SPATS2L: variants seen among roughly 807,000 people sequenced by gnomAD.
SPATS2L encodes spermatogenesis associated serine rich 2 like.
SPATS2L carries 30 observed loss-of-function variants against 59.6 expected under a neutral mutation model. The observed-to-expected ratio is 0.50, with a 90% confidence interval of 0.38 to 0.68. The LOEUF (loss-of-function observed/expected upper bound fraction) is 0.68, where lower values mean the gene tolerates loss of function less well. Among genes scored for constraint, SPATS2L ranks in the 30% least tolerant of loss-of-function variants. The pLI is 0.00. For synonymous variants in SPATS2L, 252 were observed against 263.5 expected (o/e 0.96, Z 0.42); for missense variants, 615 against 700.0 (o/e 0.88, Z 1.37).
intron 8 of SPATS2L, among the ~76,000 whole-genome samples, chr2:200,446,403 A>G (rs1203611921): frequency 6.6e-6 from 1 of 152,132 alleles, no homozygotes; most frequent in Non-Finnish European, 1.5e-5. Flanking sequence ...GAGTCTTGCA[A>G]AGGGAGTGAT....
At chr2:200,364,353 T>G (rs2081200572) in intron 2 of SPATS2L, among the ~76,000 whole-genome samples, 1 of 152,174 alleles carries the variant, frequency 6.6e-6, no homozygotes, top group Admixed American at 6.5e-5. Flanking sequence ...TTGTTGTAAT[T>G]GCTAAATAAA....
chr2:200,458,618 G>C (rs181211054), intron 8 of SPATS2L, among the ~76,000 whole-genome samples: 5 of 152,120 alleles, frequency 3.3e-5, no homozygotes, highest in African/African-American at 1.2e-4. Context: ...CAAATAAATT[G>C]CAAAGGGGAT....
At chr2:200,321,678 A>T (rs1015961989) in intron 1 of SPATS2L, among the ~76,000 whole-genome samples, 2 of 152,218 alleles carry the variant, frequency 1.3e-5, no homozygotes, top group Non-Finnish European at 2.9e-5. Context: ...CGTTTACATT[A>T]TGTTTTGTGA....
At chr2:200,318,798 A>G (rs1220048936) in intron 1 of SPATS2L, among the ~76,000 whole-genome samples, 4 of 152,356 alleles carry the variant, frequency 2.6e-5, no homozygotes, top group African/African-American at 9.6e-5. Flanking sequence ...ACTGTGGTCT[A>G]ACATCTCACC....
chr2:200,405,944 G>A (rs2082674863), intron 3 of SPATS2L, among the ~76,000 whole-genome samples: 1 of 152,234 alleles, frequency 6.6e-6, no homozygotes, highest in Admixed American at 6.5e-5. Context: ...CTTTTTAATA[G>A]TGTGTAATAC....
chr2:200,311,682 G>A (rs1280450280), intron 1 of SPATS2L, among the ~76,000 whole-genome samples: 1 of 152,188 alleles, frequency 6.6e-6, no homozygotes, highest in Non-Finnish European at 1.5e-5. Flanking sequence ...ACATCCCATT[G>A]TATTCAGGAC....
At chr2:200,447,792 C>G (rs1194412625) in intron 8 of SPATS2L, among the ~76,000 whole-genome samples, 1 of 152,136 alleles carries the variant, frequency 6.6e-6, no homozygotes, top group Admixed American at 6.5e-5. Flanking sequence ...GGAAAGTTGC[C>G]TTTAGGAGCC....
chr2:200,310,789 C>T (rs527309145), intron 1 of SPATS2L, among the ~76,000 whole-genome samples: 1 of 152,330 alleles, frequency 6.6e-6, no homozygotes, highest in Admixed American at 6.5e-5. Context: ...ATGACATGCT[C>T]ATTTTCATGT....
At chr2:200,352,294 G>A (rs1326042510) in intron 2 of SPATS2L, among the ~76,000 whole-genome samples, 2 of 129,556 alleles carry the variant, frequency 1.5e-5, no homozygotes, top group Non-Finnish European at 3.1e-5. Flanking sequence ...TGGTTTTGAG[G>A]CTATATAACC....
intron 6 of SPATS2L, among the ~76,000 whole-genome samples, chr2:200,420,570 A>G (rs545268217): frequency 7.9e-5 from 12 of 152,210 alleles, no homozygotes; most frequent in Non-Finnish European, 1.5e-4. Flanking sequence ...ATGCAGTCCA[A>G]TTTAGGGTAA....
intron 6 of SPATS2L, among the ~76,000 whole-genome samples, chr2:200,438,163 G>C (rs968128262): frequency 6.6e-6 from 1 of 152,118 alleles, no homozygotes; most frequent in African/African-American, 2.4e-5. Context: ...GAAAAGGCTG[G>C]GTTTTACAAA....
Position 200,479,908 on chromosome 2 carries a change from T to G in SPATS2L, c.*1877T>G. 1 of 396,920 alleles carries G rather than the reference T, an allele frequency of 2.5e-6. No individual in the cohort carries two copies. Among genetic ancestry groups the G allele is most frequent in the Non-Finnish European group, 4.4e-6 (1 of 225,558 alleles). The allele number at this position is 396,920 out of a possible 1,614,324, so 24.6% of individuals were successfully genotyped here. ...GAGATTTAATAGAAATTCTTAACGT[T>G]AAGTCACATTCCAGGAAGGAAGGAA... On this transcript the variant is annotated 3_prime_UTR_variant, in exon 13 of 13. Coordinates refer to ENST00000409140, the MANE Select transcript of SPATS2L (RefSeq NM_001100423.2).
rs549805682 is a variant in SPATS2L at position 200,474,915 on chromosome 2, G to T, written c.1281+1863G>T. Among the ~76,000 whole-genome samples, 12 of 152,146 alleles carry T rather than the reference G, an allele frequency of 7.9e-5. No homozygotes were observed. The East Asian group carries it at 2.3e-3, about 29-fold the overall frequency. ...CAGAGTAAGGAATCAGAGAGACCAA[G>T]GAGACAGGGCCACTGGAATCTACAC... is the stretch of plus-strand genomic sequence containing the variant. On this transcript the variant is annotated intron_variant, in intron 12 of 12. Transcript: ENST00000409140.
At chr2:200,379,762 C>T (rs953932738) in intron 2 of SPATS2L, among the ~76,000 whole-genome samples, 4 of 152,262 alleles carry the variant, frequency 2.6e-5, no homozygotes, top group African/African-American at 9.6e-5. Flanking sequence ...GAGAGGGTGA[C>T]ATTTATTCTG....
In SPATS2L at chr2:200,480,047, A is replaced by T. The variant is rs2087741074; in HGVS notation, c.*2016A>T. On this transcript the variant is annotated 3_prime_UTR_variant, in exon 13 of 13. Coordinates refer to ENST00000409140, the MANE Select transcript of SPATS2L (RefSeq NM_001100423.2). ...ACGGAAGGATTTTGCACAGTTTTTT[A>T]TGTAGCAAGATTTTGCTCACCACTG... 3.8e-6 allele frequency: 1 copy of T among 265,272 alleles called. No homozygotes were observed. Among genetic ancestry groups the T allele is most frequent in the African/African-American group, 2.2e-5 (1 of 46,028 alleles). 16.4% of individuals were successfully genotyped at this position (265,272 alleles called of 1,614,324 possible).
At chr2:200,342,985 T>G (rs971241544) in intron 2 of SPATS2L, among the ~76,000 whole-genome samples, 2 of 152,226 alleles carry the variant, frequency 1.3e-5, no homozygotes, top group Non-Finnish European at 2.9e-5. Context: ...ATAAAATGTG[T>G]GGTCTGACAA....
intron 7 of SPATS2L, among the ~76,000 whole-genome samples, chr2:200,439,893 A>G (rs531489512): frequency 1.3e-5 from 2 of 152,352 alleles, no homozygotes; most frequent in South Asian, 4.1e-4. Flanking sequence ...GGTATTAAAA[A>G]TGAAAATCAC....
intron 3 of SPATS2L, among the ~76,000 whole-genome samples, chr2:200,409,319 C>G (rs2082795097): frequency 6.6e-6 from 1 of 152,204 alleles, no homozygotes; most frequent in Admixed American, 6.5e-5. Context: ...TATAACTCTT[C>G]CTTGGTCATC....
intron 8 of SPATS2L, among the ~76,000 whole-genome samples, chr2:200,458,125 C>A (rs1254897811): frequency 2.0e-5 from 3 of 152,190 alleles, no homozygotes; most frequent in Admixed American, 2.0e-4. Context: ...ATCAAGCATT[C>A]ATCCTACCTT....
Sources: allele counts gnomAD v4.1 joint callset (sites outside exome capture counted in the v4.1 genomes callset), GRCh38; gene constraint gnomAD v4.1.1; transcripts MANE v1.5; gene names NCBI Gene and HGNC (gene_info 2026-07-23, HGNC 2026-07-21).